Variants in GPR158 observed in about 807,000 individuals in gnomAD.
GPR158 encodes metabotropic glycine receptor.
A neutral mutation model predicts 78.2 loss-of-function variants in GPR158; 30 were observed. That is an observed-to-expected ratio of 0.38 (90% CI 0.29 to 0.52). The LOEUF (loss-of-function observed/expected upper bound fraction) is 0.52. Ranked by LOEUF, GPR158 falls within the 20% of genes least tolerant of loss-of-function variation. The pLI is 0.83. For synonymous variants in GPR158, 581 were observed against 591.1 expected, an observed-to-expected ratio of 0.98 and a Z score of 0.25; for missense variants, 1,463 against 1,523.5, an observed-to-expected ratio of 0.96 and a Z score of 0.66.
intron 4 of GPR158, among the ~76,000 whole-genome samples, chr10:25,424,754 G>A: frequency 6.6e-6 from 1 of 151,882 alleles, no homozygotes; most frequent in Non-Finnish European, 1.5e-5. Flanking sequence ...TCTCTGTTTT[G>A]GTACCAGTAC....
At chr10:25,503,240 G>A (rs950547484) in intron 5 of GPR158, among the ~76,000 whole-genome samples, 12 of 151,824 alleles carry the variant, frequency 7.9e-5, no homozygotes, top group Non-Finnish European at 1.6e-4. Context: ...AACCGGACAT[G>A]GTTGCACATG....
rs11014628 is a variant in GPR158 at position 25,583,104 on chromosome 10, C to T, written c.1754-5903C>T. Among the ~76,000 whole-genome samples, 1,452 of 152,244 alleles carry T rather than the reference C, an allele frequency of 9.5e-3. 32 individuals are homozygous for T. Among genetic ancestry groups the T allele is most frequent in the African/African-American group, 0.033 (1,376 of 41,540 alleles). On this transcript the variant is annotated intron_variant, in intron 7 of 10. Transcript: ENST00000376351. ...GCAGCTGGAGAACGGAGGTTCTCTG[C>T]AGACATATCCTATAGCCCATCCCGG...
rs34088676 is a variant in GPR158, at chr10:25,348,396, GACACACACACACAC to G, written c.1009-47488_1009-47475del. Among the ~76,000 whole-genome samples, 628 of 141,788 alleles carry G rather than the reference GACACACACACACAC, an allele frequency of 4.4e-3. 6 individuals are homozygous for G. The highest frequency in any genetic ancestry group is 0.015 in the African/African-American group (585 of 38,866). 93.0% of individuals were successfully genotyped at this position (141,788 alleles called of 152,430 possible). A position where few individuals can be genotyped will look rare whatever the true frequency, so the allele number is the denominator to read the frequency against. On this transcript the variant is annotated intron_variant, in intron 2 of 10. Transcript: ENST00000376351. ...CCAGAAATGAAATTTTAGGAAGAAA[GACACACACACACAC>G]ACACACACACACACACACACACACA...
intron 5 of GPR158, among the ~76,000 whole-genome samples, chr10:25,541,096 A>G (rs1181276981): frequency 2.0e-5 from 3 of 151,684 alleles, no homozygotes; most frequent in African/African-American, 7.2e-5. Flanking sequence ...CTAGCTATAT[A>G]TAAAAGTTCC....
intron 2 of GPR158, among the ~76,000 whole-genome samples, chr10:25,266,545 C>G (rs547891337): frequency 6.6e-6 from 1 of 152,234 alleles, no homozygotes; most frequent in East Asian, 1.9e-4. Context: ...GACTATTTCA[C>G]ATGAATAGAG....
At chr10:25,394,705 T>C (rs1834345855) in intron 2 of GPR158, among the ~76,000 whole-genome samples, 1 of 152,142 alleles carries the variant, frequency 6.6e-6, no homozygotes, top group Non-Finnish European at 1.5e-5. Flanking sequence ...TTCAAGAAGG[T>C]CCTTTAGAGA....
intron 1 of GPR158, among the ~76,000 whole-genome samples, chr10:25,182,766 G>A (rs2130630118): frequency 6.6e-6 from 1 of 152,350 alleles, no homozygotes; most frequent in Admixed American, 6.5e-5. Context: ...AATATACTGT[G>A]ATGCCAAGGC....
intron 7 of GPR158, among the ~76,000 whole-genome samples, chr10:25,583,170 C>CA (rs1564497370): frequency 6.6e-6 from 1 of 151,676 alleles, no homozygotes; most frequent in Non-Finnish European, 1.5e-5. Context: ...AACACATACC[C>CA]AGCCTCCATT....
chr10:25,476,556 C>G (rs1017881467), intron 5 of GPR158, among the ~76,000 whole-genome samples: 3 of 152,054 alleles, frequency 2.0e-5, no homozygotes, highest in African/African-American at 7.2e-5. Flanking sequence ...GAAGGGACAC[C>G]ATATACAACT....
intron 2 of GPR158, among the ~76,000 whole-genome samples, chr10:25,302,067 CTTTT>C (rs200536212): frequency 0.046 from 6,117 of 133,866 alleles, 101 homozygotes; most frequent in African/African-American, 0.073. Flanking sequence ...TAATTTGTTC[CTTTT>C]TTTTTTTTTT....
At chr10:25,512,617 G>A (rs960445460) in intron 5 of GPR158, among the ~76,000 whole-genome samples, 2 of 152,076 alleles carry the variant, frequency 1.3e-5, no homozygotes, top group Non-Finnish European at 2.9e-5. Context: ...CCAGTTCTCA[G>A]GGGGAATGCT....
intron 3 of GPR158, among the ~76,000 whole-genome samples, chr10:25,406,373 G>T (rs778846425): frequency 2.0e-5 from 3 of 152,128 alleles, no homozygotes; most frequent in Non-Finnish European, 2.9e-5. Flanking sequence ...TTTGCCCACA[G>T]TAATATCCAA....
intron 5 of GPR158, among the ~76,000 whole-genome samples, chr10:25,497,425 A>T (rs1163939630): frequency 6.6e-6 from 1 of 152,220 alleles, no homozygotes; most frequent in African/African-American, 2.4e-5. Flanking sequence ...AGCGCCTATT[A>T]ACAGTCAGTG....
intron 2 of GPR158, among the ~76,000 whole-genome samples, chr10:25,394,672 A>G (rs771963811): frequency 9.2e-5 from 14 of 152,192 alleles, no homozygotes; most frequent in Non-Finnish European, 2.1e-4. Context: ...GGAAAAGAAG[A>G]GGGTATTAAT....
At chr10:25,447,136 A>G (rs1439742998) in intron 4 of GPR158, among the ~76,000 whole-genome samples, 5 of 152,230 alleles carry the variant, frequency 3.3e-5, no homozygotes, top group African/African-American at 1.2e-4. Flanking sequence ...AATTGTTTAT[A>G]CCTAAGGAGG....
chr10:25,516,203 T>G (rs961742343), intron 5 of GPR158, among the ~76,000 whole-genome samples: 13 of 151,776 alleles, frequency 8.6e-5, no homozygotes, highest in Non-Finnish European at 1.5e-4. Flanking sequence ...CTTTGCCCAC[T>G]TTTTGATGGG....
intron 2 of GPR158, among the ~76,000 whole-genome samples, chr10:25,302,586 C>T (rs1313578346): frequency 6.6e-6 from 1 of 152,072 alleles, no homozygotes; most frequent in South Asian, 2.1e-4. Flanking sequence ...CTATAAATAT[C>T]CAGGTAGTAA....
At chr10:25,213,231 C>G (rs1234295071) in intron 1 of GPR158, among the ~76,000 whole-genome samples, 1 of 151,890 alleles carries the variant, frequency 6.6e-6, no homozygotes, top group African/African-American at 2.4e-5. Flanking sequence ...AGTAAGCATT[C>G]TTGCCTTAAA....
intron 8 of GPR158, among the ~76,000 whole-genome samples, chr10:25,591,826 T>C (rs1837344696): frequency 6.6e-6 from 1 of 152,088 alleles, no homozygotes; most frequent in Admixed American, 6.6e-5. Flanking sequence ...CTCTCAGAAA[T>C]ATAATTTATA....
Sources: allele counts gnomAD v4.1 joint callset (sites outside exome capture counted in the v4.1 genomes callset), GRCh38; gene constraint gnomAD v4.1.1; transcripts MANE v1.5; gene names NCBI Gene and HGNC (gene_info 2026-07-23, HGNC 2026-07-21).